Variants in OLR1 observed in about 807,000 individuals in gnomAD.
The protein encoded by OLR1 is oxidized low density lipoprotein receptor 1.
OLR1 carries 23 observed loss-of-function variants against 31.7 expected under a neutral mutation model. The ratio of observed to expected loss-of-function variants is 0.72; its 90% CI spans 0.52 to 1.03. The LOEUF (loss-of-function observed/expected upper bound fraction) is 1.03, where lower values mean the gene tolerates loss of function less well. OLR1 is among the 50% of genes least tolerant of loss of function. OLR1 has a pLI of 0.00. For missense variants in OLR1, 286 were observed against 315.7 expected (o/e 0.91, Z 0.71); for synonymous variants, 117 against 115.8 (o/e 1.01, Z -0.07).
chr12:10,168,202 A>G (rs1948678231), intron 2 of OLR1, among the ~76,000 whole-genome samples: 1 of 151,526 alleles, frequency 6.6e-6, no homozygotes, highest in Non-Finnish European at 1.5e-5. Flanking sequence ...CTTCTTGGCC[A>G]CTCTGGGCCA....
rs1565419427 is a variant in OLR1 at position 10,160,789 on chromosome 12, A to G, written c.561T>C (p.Asp187=). 1 of 1,614,002 alleles carries G rather than the reference A, an allele frequency of 6.2e-7. No individual in the cohort carries two copies. The highest frequency in any genetic ancestry group is 8.5e-7 in the Non-Finnish European group (1 of 1,179,960). ...ACAAATATCCATGAACACTCACCAG[A>G]TCAGCTGTGCTATTAATTTTCAGCA... ...AKLLKINSTA[D]LDFIQQAISY... The change falls in exon 4 of 6, where the codon GAT becomes GAC. Residue 187 remains aspartate (D), a synonymous_variant. Transcript: ENST00000309539.
At chr12:10,173,410 C>T (rs1948739828), upstream of OLR1, among the ~76,000 whole-genome samples, 1 of 151,996 alleles carries the variant, frequency 6.6e-6, no homozygotes, top group Admixed American at 6.6e-5. Context: ...TATTGACAGC[C>T]TAATTAGGAT....
intron 3 of OLR1, among the ~76,000 whole-genome samples, chr12:10,161,924 G>GAT (rs34054558): frequency 0.13 from 8,855 of 67,870 alleles, 713 homozygotes; most frequent in African/African-American, 0.31. Flanking sequence ...AAATTTTAAT[G>GAT]ATATATATAT....
rs1948665778 is a variant in OLR1 at position 10,166,735 on chromosome 12, A to G, written c.401T>C (p.Leu134Pro). 2 of 1,613,896 alleles carry G rather than the reference A, an allele frequency of 1.2e-6. No individual in the cohort carries two copies. Among genetic ancestry groups the G allele is most frequent in the South Asian group, 1.1e-5 (1 of 91,076 alleles). The change falls in exon 3 of 6, where the codon CTG becomes CCG. Residue 134 changes from leucine to proline, a missense_variant. By Grantham distance (98) the Leu-to-Pro change is moderately conservative (BLOSUM62 -3). Coordinates refer to ENST00000309539, the MANE Select transcript of OLR1 (RefSeq NM_002543.4). The stretch of plus-strand genomic sequence containing the variant: ...ACCTGAACAATTTGCTACTCTCTTC[A>G]GTGTTTCTTGGAGATTCAGATTCTG... ...HHQNLNLQETLKRVANCSAPC... is the reference protein window; with the variant it reads ...HHQNLNLQETPKRVANCSAPC...
chr12:10,166,249 C>T (rs748367139), intron 3 of OLR1, among the ~76,000 whole-genome samples: 2 of 151,670 alleles, frequency 1.3e-5, no homozygotes, highest in South Asian at 2.1e-4. Context: ...AAAAATTGAC[C>T]GAGAGCGGTG....
At chr12:10,170,033 C>A (rs1948697655) in intron 1 of OLR1, among the ~76,000 whole-genome samples, 1 of 152,136 alleles carries the variant, frequency 6.6e-6, no homozygotes, top group African/African-American at 2.4e-5. Context: ...CTATCATTAT[C>A]CTCTGTATGC....
chr12:10,165,644 A>G (rs982175500), intron 3 of OLR1, among the ~76,000 whole-genome samples: 4 of 149,510 alleles, frequency 2.7e-5, no homozygotes, highest in African/African-American at 9.9e-5. Context: ...AAATGTCAAA[A>G]CTGCTACTAG....
intron 2 of OLR1, among the ~76,000 whole-genome samples, chr12:10,168,133 C>G (rs900541229): frequency 4.6e-5 from 7 of 152,200 alleles, no homozygotes; most frequent in Non-Finnish European, 8.8e-5. Context: ...CTAAACAACT[C>G]AGTTCTACAA....
intron 1 of OLR1, among the ~76,000 whole-genome samples, chr12:10,171,524 G>C (rs1352821001): frequency 6.6e-6 from 1 of 152,228 alleles, no homozygotes; most frequent in African/African-American, 2.4e-5. Context: ...TGTAGTGCCT[G>C]AAGGACTCTT....
upstream of OLR1, chr12:10,175,441 G>A (rs967442729): frequency 6.6e-6 from 1 of 152,062 alleles, no homozygotes; most frequent in African/African-American, 2.4e-5. Flanking sequence ...ATCAAGCAGA[G>A]GACCCAACTA....
chr12:10,173,423 C>T (rs111961872), upstream of OLR1, among the ~76,000 whole-genome samples: 104 of 152,104 alleles, frequency 6.8e-4, 3 homozygotes, highest in Middle Eastern at 3.4e-3. Context: ...ATTAGGATTC[C>T]ATTTCCCTCC....
chr12:10,165,514 T>A (rs1000064997), intron 3 of OLR1, among the ~76,000 whole-genome samples: 1 of 151,456 alleles, frequency 6.6e-6, no homozygotes, highest in African/African-American at 2.4e-5. Flanking sequence ...GAGTTAGGGG[T>A]AGACAGTTGC....
chr12:10,162,235 C>CAA (rs1948626899), intron 3 of OLR1, among the ~76,000 whole-genome samples: 2 of 152,120 alleles, frequency 1.3e-5, no homozygotes, highest in South Asian at 4.1e-4. Context: ...CTCTGGTCTA[C>CAA]ACTACAACCA....
Position 10,172,019 on chromosome 12 carries a change from T to C in OLR1, c.59A>G (p.Asn20Ser), listed in dbSNP as rs141892646. The part of the protein sequence containing the change: ...TVKDQPDEKS[N>S]GKKAKGLQFL... ...CCTAGTACCTTTAGCTTTTTTTCCA[T>C]TTGACTTCTCATCAGGCTGGTCCTT... Residue 20 changes from asparagine (N) to serine (S), a missense_variant, in exon 1 of 6, where the codon AAT becomes AGT. Coordinates refer to ENST00000309539, the MANE Select transcript of OLR1 (RefSeq NM_002543.4). 9.3e-6 allele frequency: 15 copies of C among 1,613,540 alleles called. No individual in the cohort carries two copies. The highest frequency in any genetic ancestry group is 1.3e-5 in the African/African-American group (1 of 74,936).
At chr12:10,164,563 T>C (rs1182103401) in intron 3 of OLR1, among the ~76,000 whole-genome samples, 5 of 152,202 alleles carry the variant, frequency 3.3e-5, no homozygotes, top group Non-Finnish European at 4.4e-5. Flanking sequence ...TTAAGTAAAT[T>C]GTGCAAGCAA....
chr12:10,164,733 A>G (rs1261656132), intron 3 of OLR1, among the ~76,000 whole-genome samples: 3 of 152,200 alleles, frequency 2.0e-5, no homozygotes, highest in African/African-American at 7.2e-5. Context: ...TGATGTAATG[A>G]CATACTGCAG....
At position 10,159,857 on chromosome 12, in the gene OLR1, C is replaced by A. The variant is rs1161095451; in HGVS notation, c.*23G>T. 1 of 1,573,164 alleles carries A rather than the reference C, an allele frequency of 6.4e-7. No homozygotes were observed. Among genetic ancestry groups the A allele is most frequent in the African/African-American group, 1.4e-5 (1 of 73,366 alleles). On this transcript the variant is annotated 3_prime_UTR_variant, in exon 6 of 6. Transcript: ENST00000309539. ...CAGAATAAAACTCAAAGACTTTTTT[C>A]TTTTCTTCCAGAGCCTTCAAATTCA...
chr12:10,174,581 A>G (rs1278626478), upstream of OLR1, among the ~76,000 whole-genome samples: 2 of 152,144 alleles, frequency 1.3e-5, no homozygotes, highest in Non-Finnish European at 2.9e-5. Flanking sequence ...CAACTCTCCC[A>G]GTTCTCCACT....
At chr12:10,174,010 C>G (rs1393459816), upstream of OLR1, among the ~76,000 whole-genome samples, 1 of 152,140 alleles carries the variant, frequency 6.6e-6, no homozygotes, top group African/African-American at 2.4e-5. Flanking sequence ...ACTCTATACC[C>G]ACCAAGCAAT....
Sources: gnomAD v4.1 joint callset for allele counts (sites outside exome capture counted in the v4.1 genomes callset) on GRCh38, gnomAD v4.1.1 for gene constraint, MANE v1.5 for transcripts, NCBI Gene and HGNC (gene_info 2026-07-23, HGNC 2026-07-21) for gene names.